Variants in GCGR observed in about 807,000 individuals in gnomAD.
GCGR encodes the protein glucagon receptor.
GCGR carries 41 observed loss-of-function variants against 56.1 expected under a neutral mutation model. The ratio of observed to expected loss-of-function variants is 0.73; its 90% CI spans 0.57 to 0.95. The LOEUF (loss-of-function observed/expected upper bound fraction) is 0.95. Ranked by LOEUF, GCGR falls within the 40% of genes least tolerant of loss-of-function variation. The pLI is 0.00. For missense variants in GCGR, 595 were observed against 638.2 expected, an observed-to-expected ratio of 0.93 and a Z score of 0.73; for synonymous variants, 278 against 271.1, an observed-to-expected ratio of 1.03 and a Z score of -0.25.
At chr17:81,808,766 C>A (rs1024399940) in intron 1 of GCGR, 76 bp from the exon 2 acceptor site, 7 of 565,874 alleles carry the variant, frequency 1.2e-5, no homozygotes, top group Non-Finnish European at 2.2e-5. Flanking sequence ...TGATCCACCC[C>A]CCTCGGCCTC....
intron 2 of GCGR, among the ~76,000 whole-genome samples, chr17:81,809,335 TCTGCCTGCCTGTCTGTCGGC>T (rs2038031993): frequency 1.4e-5 from 2 of 142,222 alleles, no homozygotes; most frequent in Non-Finnish European, 3.0e-5. Context: ...TGCCTATCCA[TCTGCCTGCCTGTCTGTCGGC>T]CTGCCTGCCT....
Position 81,812,357 on chromosome 17 carries a change from A to G in GCGR, c.948+105A>G. The G allele has an allele frequency of 7.6e-7, 1 of 1,322,478 alleles. No homozygotes were observed. The highest frequency in any genetic ancestry group is 1.3e-5 in the South Asian group (1 of 78,658). 81.9% of individuals were successfully genotyped at this position (1,322,478 alleles called of 1,614,324 possible). A position where few individuals can be genotyped will look rare whatever the true frequency, so the allele number is the denominator to read the frequency against. ...ATCCTGTCTGAGAGCGCTGGGAGGG[A>G]GCCGGCACCCAGACAGGACACCAGG... On this transcript the variant is annotated intron_variant, in intron 10 of 13. Coordinates refer to ENST00000400723, the MANE Select transcript of GCGR (RefSeq NM_000160.5). This position sits in a 1 kb window ranked among gnomAD's most constrained non-coding sequence, Gnocchi z 8.5.
At position 81,813,201 on chromosome 17, in the gene GCGR, G is replaced by A; in HGVS notation, c.1218+144G>A. 7.6e-7 allele frequency: 1 copy of A among 1,320,886 alleles called. No homozygotes were observed. The highest frequency in any genetic ancestry group is 1.0e-6 in the Non-Finnish European group (1 of 954,770). 81.8% of individuals were successfully genotyped at this position (1,320,886 alleles called of 1,614,324 possible). A position where few individuals can be genotyped will look rare whatever the true frequency, so the allele number is the denominator to read the frequency against. ...GCCTTTCCCTCCCCCTGCTCTTATT[G>A]GGTGCAGTTGCCATGGCGCTGGGTG... On this transcript the variant is annotated intron_variant, in intron 13 of 13. Coordinates refer to ENST00000400723, the MANE Select transcript of GCGR (RefSeq NM_000160.5). This position sits in a 1 kb window ranked among gnomAD's most constrained non-coding sequence, Gnocchi z 5.3.
Position 81,804,596 on chromosome 17 carries a change from C to A in GCGR, c.-178+347C>A, listed in dbSNP as rs1202046124. On this transcript the variant is annotated intron_variant, in intron 1 of 13. Transcript: ENST00000400723. The surrounding 1 kb of genome is among the most constrained non-coding windows in gnomAD (Gnocchi z 8.2). ...CACACTCCCCACTCAGGGCCCCGGG[C>A]CCCGCCGCCCTGGGGAGCGCACAAA... is the stretch of plus-strand genomic sequence containing the variant. Among the ~76,000 whole-genome samples the A allele has an allele frequency of 6.6e-6, 1 of 151,998 alleles. No individual in the cohort carries two copies. The highest frequency in any genetic ancestry group is 1.9e-4 in the East Asian group (1 of 5,172).
chr17:81,804,407 G>A lies in GCGR; in HGVS notation c.-178+158G>A, dbSNP rs1205214191. Among the ~76,000 whole-genome samples, 1 of 151,702 alleles carries A rather than the reference G, an allele frequency of 6.6e-6. No individual in the cohort carries two copies. Among genetic ancestry groups the A allele is most frequent in the African/African-American group, 2.4e-5 (1 of 41,344 alleles). On this transcript the variant is annotated intron_variant, in intron 1 of 13. Coordinates refer to ENST00000400723, the MANE Select transcript of GCGR (RefSeq NM_000160.5). The surrounding 1 kb of genome is among the most constrained non-coding windows in gnomAD (Gnocchi z 8.2). ...GCTGGTGCGCTCCTCAGTCCCGTCA[G>A]ACACCCCCGTTCCCAACCCCGGCTC...
rs944521012 is a variant in GCGR, at chr17:81,806,531, G to T, written c.-178+2282G>T. Among the ~76,000 whole-genome samples the T allele has an allele frequency of 6.6e-6, 1 of 152,154 alleles. No homozygotes were observed. Among genetic ancestry groups the T allele is most frequent in the Non-Finnish European group, 1.5e-5 (1 of 68,016 alleles). ...GGACTGGGCAGCCAACCCCTCCCTC[G>T]GCTCGCTGGGGTCTCCAGACTGGCT... On this transcript the variant is annotated intron_variant, in intron 1 of 13. Coordinates refer to ENST00000400723, the MANE Select transcript of GCGR (RefSeq NM_000160.5). The surrounding 1 kb of genome is among the most constrained non-coding windows in gnomAD (Gnocchi z 6.5).
intron 1 of GCGR, among the ~76,000 whole-genome samples, chr17:81,807,400 G>T (rs1413699218): frequency 6.6e-6 from 1 of 152,242 alleles, no homozygotes; most frequent in Non-Finnish European, 1.5e-5. Context: ...CTGTCACACT[G>T]CTTGGGGCAT....
Position 81,813,113 on chromosome 17 carries a change from C to CAG in GCGR, c.1218+63_1218+64dup. 6.5e-7 allele frequency: 1 copy of CAG among 1,533,732 alleles called. No homozygotes were observed. ...CAGCACTGGCCGTCGGGGTCAGGGG[C>CAG]AGAGAGAGGCACAGGGATGCCAGCC... On this transcript the variant is annotated intron_variant, in intron 13 of 13. Coordinates refer to ENST00000400723, the MANE Select transcript of GCGR (RefSeq NM_000160.5). This position sits in a 1 kb window ranked among gnomAD's most constrained non-coding sequence, Gnocchi z 5.3.
chr17:81,808,741 G>C (rs1001024204), intron 1 of GCGR, 101 bp from the exon 2 acceptor site: 8 of 526,654 alleles, frequency 1.5e-5, no homozygotes, highest in Admixed American at 6.8e-5. Context: ...GGATGGTCTC[G>C]ATCTCCAGAC....
In GCGR at chr17:81,813,124, A is replaced by C; in HGVS notation, c.1218+67A>C. ...GTCGGGGTCAGGGGCAGAGAGAGGC[A>C]CAGGGATGCCAGCCCCACCCCTGCC... On this transcript the variant is annotated intron_variant, in intron 13 of 13. Coordinates refer to ENST00000400723, the MANE Select transcript of GCGR (RefSeq NM_000160.5). The surrounding 1 kb of genome is among the most constrained non-coding windows in gnomAD (Gnocchi z 5.3). The C allele has an allele frequency of 2.0e-6, 3 of 1,532,150 alleles. No homozygotes were observed. The highest frequency in any genetic ancestry group is 2.6e-6 in the Non-Finnish European group (3 of 1,144,796). 94.9% of individuals were successfully genotyped at this position (1,532,150 alleles called of 1,614,324 possible). A position where few individuals can be genotyped will look rare whatever the true frequency, so the allele number is the denominator to read the frequency against.
Position 81,806,369 on chromosome 17 carries a change from C to A in GCGR, c.-178+2120C>A, listed in dbSNP as rs2037965894. 6.6e-6 allele frequency among the ~76,000 whole-genome samples: 1 copy of A among 152,168 alleles called. No homozygotes were observed. Among genetic ancestry groups the A allele is most frequent in the African/African-American group, 2.4e-5 (1 of 41,424 alleles). On this transcript the variant is annotated intron_variant, in intron 1 of 13. Coordinates refer to ENST00000400723, the MANE Select transcript of GCGR (RefSeq NM_000160.5). The surrounding 1 kb of genome is among the most constrained non-coding windows in gnomAD (Gnocchi z 6.5). ...GACTAGGGGTGCCCTATGGGGAGCC[C>A]ACCTGTGGCCTGTGGATGCTGAGCT... is the stretch of plus-strand genomic sequence containing the variant.
intron 1 of GCGR, among the ~76,000 whole-genome samples, chr17:81,805,803 C>T (rs1052559769): frequency 1.3e-5 from 2 of 152,112 alleles, no homozygotes; most frequent in Admixed American, 6.5e-5. Flanking sequence ...CCTGGTGGGT[C>T]GTCCCACCTA....
chr17:81,809,719 C>A, intron 2 of GCGR, 63 bp from the exon 3 acceptor site: 1 of 1,308,600 alleles, frequency 7.6e-7, no homozygotes, highest in South Asian at 1.3e-5. Context: ...GCCTGTCTGT[C>A]TGCCTGTCTG....
rs932458714 is a variant in GCGR at position 81,812,269 on chromosome 17, C to T, written c.948+17C>T. On this transcript the variant is annotated intron_variant, in intron 10 of 13. Transcript: ENST00000400723. This position sits in a 1 kb window ranked among gnomAD's most constrained non-coding sequence, Gnocchi z 8.5. Reference sequence around the variant, plus strand: ...GCCATCCTGGTGAGGAAATGAAGAGCCAGGAGCGCACCCCAGGCCCCTCCT... The same window carrying T: ...GCCATCCTGGTGAGGAAATGAAGAGTCAGGAGCGCACCCCAGGCCCCTCCT... The T allele has an allele frequency of 2.2e-4, 336 of 1,534,842 alleles. No individual in the cohort carries two copies. Among genetic ancestry groups the T allele is most frequent in the Non-Finnish European group, 2.8e-4 (320 of 1,146,680 alleles).
Position 81,813,740 on chromosome 17 carries a change from G to A in GCGR, c.*51G>A, listed in dbSNP as rs1278855884. 6 of 1,505,800 alleles carry A rather than the reference G, an allele frequency of 4.0e-6. No individual in the cohort carries two copies. Among genetic ancestry groups the A allele is most frequent in the East Asian group, 2.5e-5 (1 of 40,568 alleles). The allele number at this position is 1,505,800 out of a possible 1,614,324, so 93.3% of individuals were successfully genotyped here. A position where few individuals can be genotyped will look rare whatever the true frequency, so the allele number is the denominator to read the frequency against. On this transcript the variant is annotated 3_prime_UTR_variant, in exon 14 of 14. Coordinates refer to ENST00000400723, the MANE Select transcript of GCGR (RefSeq NM_000160.5). The surrounding 1 kb of genome is among the most constrained non-coding windows in gnomAD (Gnocchi z 5.3). ...TGGACTCTGGCACCCAGAGGGCGTC[G>A]CTGGACAACCCAGAACTGGACGCCC...
At position 81,810,081 on chromosome 17, in the gene GCGR, G is replaced by C. The variant is rs1280766157; in HGVS notation, c.163+197G>C. 4.8e-5 allele frequency: 31 copies of C among 645,702 alleles called. No homozygotes were observed. Among genetic ancestry groups the C allele is most frequent in the Non-Finnish European group, 2.0e-5 (7 of 352,902 alleles). 40.0% of individuals were successfully genotyped at this position (645,702 alleles called of 1,614,324 possible). A position where few individuals can be genotyped will look rare whatever the true frequency, so the allele number is the denominator to read the frequency against. ...GCCACAGAGCTGGGGACTTGCCTCA[G>C]GCCGCAGAGCCAGGAAATAACAGAA... On this transcript the variant is annotated intron_variant, in intron 3 of 13. Transcript: ENST00000400723. This position sits in a 1 kb window ranked among gnomAD's most constrained non-coding sequence, Gnocchi z 4.6.
At position 81,811,141 on chromosome 17, in the gene GCGR, C is replaced by T. The variant is rs141153013; in HGVS notation, c.393+10C>T. ...GGAGATTGAGGTCCAGGTCAGTGGG[C>T]GGCAGGCAGGCGCGGTGGGGCTGGA... On this transcript the variant is annotated intron_variant, in intron 5 of 13. Transcript: ENST00000400723. The surrounding 1 kb of genome is among the most constrained non-coding windows in gnomAD (Gnocchi z 5.8). The T allele has an allele frequency of 1.1e-4, 175 of 1,536,152 alleles. No individual in the cohort carries two copies. Among genetic ancestry groups the T allele is most frequent in the Admixed American group, 7.3e-4 (37 of 51,000 alleles).
At position 81,813,830 on chromosome 17, in the gene GCGR, G is replaced by A; in HGVS notation, c.*141G>A. On this transcript the variant is annotated 3_prime_UTR_variant, in exon 14 of 14. Coordinates refer to ENST00000400723, the MANE Select transcript of GCGR (RefSeq NM_000160.5). The surrounding 1 kb of genome is among the most constrained non-coding windows in gnomAD (Gnocchi z 5.3). ...CCTACCCCCCACCCCCAGTGTGGCT[G>A]TCTGCGAGATTGGGCCTCCTCTCCC... is the stretch of plus-strand genomic sequence containing the variant. The A allele has an allele frequency of 4.0e-6, 3 of 757,186 alleles. No homozygotes were observed. Among genetic ancestry groups the A allele is most frequent in the Non-Finnish European group, 6.3e-6 (3 of 476,510 alleles). 46.9% of individuals were successfully genotyped at this position (757,186 alleles called of 1,614,324 possible). A position where few individuals can be genotyped will look rare whatever the true frequency, so the allele number is the denominator to read the frequency against.
In GCGR at chr17:81,812,706, C is replaced by T. The variant is rs1234613872; in HGVS notation, c.1037+41C>T. 1 of 1,530,870 alleles carries T rather than the reference C, an allele frequency of 6.5e-7. No homozygotes were observed. The highest frequency in any genetic ancestry group is 8.8e-7 in the Non-Finnish European group (1 of 1,142,646). The allele number at this position is 1,530,870 out of a possible 1,614,324, so 94.8% of individuals were successfully genotyped here. A position where few individuals can be genotyped will look rare whatever the true frequency, so the allele number is the denominator to read the frequency against. ...GCTGGCGTCTCGAGACCTGGAGACCCTCAGGGCCAGAGGGCAGCTGGGGGT... is the reference window on the plus strand; with the variant it reads ...GCTGGCGTCTCGAGACCTGGAGACCTTCAGGGCCAGAGGGCAGCTGGGGGT... On this transcript the variant is annotated intron_variant, in intron 11 of 13. Coordinates refer to ENST00000400723, the MANE Select transcript of GCGR (RefSeq NM_000160.5). This position sits in a 1 kb window ranked among gnomAD's most constrained non-coding sequence, Gnocchi z 8.5.
Sources: allele counts gnomAD v4.1 joint callset (sites outside exome capture counted in the v4.1 genomes callset), GRCh38; gene constraint gnomAD v4.1.1; non-coding constraint Gnocchi (gnomAD v3.1); transcripts MANE v1.5; gene names NCBI Gene and HGNC (gene_info 2026-07-23, HGNC 2026-07-21).